The following DOK5 variants were observed in gnomAD, a reference collection of about 807,000 sequenced individuals.
The protein encoded by DOK5 is downstream of tyrosine kinase 5.
Under a neutral mutation model 43.3 loss-of-function variants are expected in DOK5, and 27 were observed. That is an observed-to-expected ratio of 0.62 (90% CI 0.46 to 0.86). The LOEUF is 0.86. Among genes scored for constraint, DOK5 ranks in the 40% least tolerant of loss-of-function variants. The probability of loss-of-function intolerance (pLI) is 0.00; values close to 1 mark genes in which losing one functional copy is unlikely to be tolerated. For missense variants in DOK5, 373 were observed against 392.9 expected (o/e 0.95, Z 0.43); for synonymous variants, 146 against 140.1 (o/e 1.04, Z -0.30).
At position 54,611,157 on chromosome 20, in the gene DOK5, C is replaced by T. The variant is rs138301743; in HGVS notation, c.735+634C>T. On this transcript the variant is annotated intron_variant, in intron 6 of 7. Coordinates refer to ENST00000262593, the MANE Select transcript of DOK5 (RefSeq NM_018431.5). ...CATGCGTGTGCCATCTCTTCACAGT[C>T]ATCGGTATATAAAGATGCCCAAACA... Among the ~76,000 whole-genome samples the T allele has an allele frequency of 3.3e-5, 5 of 152,324 alleles. No individual in the cohort carries two copies. In the East Asian group the frequency reaches 9.6e-4, roughly 29 times the overall value.
intron 1 of DOK5, among the ~76,000 whole-genome samples, chr20:54,476,846 G>C (rs1981448134): frequency 6.6e-6 from 1 of 152,138 alleles, no homozygotes; most frequent in Non-Finnish European, 1.5e-5. Context: ...GGCTTCAAAA[G>C]AGAACCTACC....
chr20:54,597,829 A>T (rs1382194293), intron 5 of DOK5, among the ~76,000 whole-genome samples: 2 of 152,252 alleles, frequency 1.3e-5, no homozygotes, highest in Non-Finnish European at 2.9e-5. Flanking sequence ...TGCAGAGCTA[A>T]GGGAGAGAAA....
chr20:54,607,653 G>A (rs904896854), intron 5 of DOK5, among the ~76,000 whole-genome samples: 7 of 151,972 alleles, frequency 4.6e-5, no homozygotes, highest in African/African-American at 1.7e-4. Context: ...TTGGGAGGCA[G>A]AGGTGGGCAG....
chr20:54,512,823 G>A (rs572109690), intron 1 of DOK5, among the ~76,000 whole-genome samples: 1 of 151,682 alleles, frequency 6.6e-6, no homozygotes, highest in African/African-American at 2.4e-5. Context: ...GGGAGTGGAA[G>A]AAGGGTGCAA....
At chr20:54,516,555 T>C (rs1450765022) in intron 1 of DOK5, among the ~76,000 whole-genome samples, 3 of 152,202 alleles carry the variant, frequency 2.0e-5, no homozygotes, top group African/African-American at 7.2e-5. Context: ...GAACTGTGTG[T>C]TCCCCTTATA....
chr20:54,477,192 TCTTA>T (rs1315215088), intron 1 of DOK5, among the ~76,000 whole-genome samples: 1 of 152,322 alleles, frequency 6.6e-6, no homozygotes, highest in East Asian at 1.9e-4. Context: ...GGCATCTTTC[TCTTA>T]CTTGGTCTTT....
intron 1 of DOK5, among the ~76,000 whole-genome samples, chr20:54,549,085 T>A (rs1395532312): frequency 1.3e-5 from 2 of 152,226 alleles, no homozygotes; most frequent in Non-Finnish European, 2.9e-5. Flanking sequence ...GGAAGCACTT[T>A]TAGAAGTCTT....
chr20:54,638,864 T>A (rs1333818524), intron 6 of DOK5, among the ~76,000 whole-genome samples: 1 of 151,448 alleles, frequency 6.6e-6, no homozygotes, highest in African/African-American at 2.4e-5. Flanking sequence ...GTATTTTTAG[T>A]AGAGACGGAG....
chr20:54,541,604 T>A (rs1255463714), intron 1 of DOK5, among the ~76,000 whole-genome samples: 1 of 151,740 alleles, frequency 6.6e-6, no homozygotes, highest in Non-Finnish European at 1.5e-5. Flanking sequence ...CCCGGCTAAT[T>A]TTTGCATTTT....
intron 2 of DOK5, among the ~76,000 whole-genome samples, chr20:54,580,661 T>G (rs1011141447): frequency 6.6e-6 from 1 of 152,198 alleles, no homozygotes; most frequent in African/African-American, 2.4e-5. Flanking sequence ...ATGTCTTCTG[T>G]GGAGAAATGT....
chr20:54,584,544 T>C (rs1985739477), intron 2 of DOK5, among the ~76,000 whole-genome samples: 1 of 151,514 alleles, frequency 6.6e-6, no homozygotes, highest in Non-Finnish European at 1.5e-5. Flanking sequence ...TACTTTTATC[T>C]TTTTACTTCT....
At chr20:54,627,415 G>T (rs540892144) in intron 6 of DOK5, among the ~76,000 whole-genome samples, 36 of 152,244 alleles carry the variant, frequency 2.4e-4, no homozygotes, top group Non-Finnish European at 4.1e-4. Context: ...GCATTTTATT[G>T]GACATATTAG....
chr20:54,509,306 T>C (rs59800995), intron 1 of DOK5, among the ~76,000 whole-genome samples: 5,888 of 152,298 alleles, frequency 0.039, 224 homozygotes, highest in East Asian at 0.11. Flanking sequence ...TTTTCCCATC[T>C]CAGCCTCCCC....
At chr20:54,593,607 G>A (rs1305402222) in intron 5 of DOK5, among the ~76,000 whole-genome samples, 1 of 152,180 alleles carries the variant, frequency 6.6e-6, no homozygotes, top group Non-Finnish European at 1.5e-5. Context: ...CAGGAGGATT[G>A]CTTGAGCCCA....
chr20:54,645,973 G>C (rs1979401481), intron 7 of DOK5, among the ~76,000 whole-genome samples: 1 of 138,814 alleles, frequency 7.2e-6, no homozygotes, highest in South Asian at 2.3e-4. Flanking sequence ...GAGTGCCTCT[G>C]TGAGCAGCTG....
At chr20:54,540,285 T>C (rs1984107157) in intron 1 of DOK5, among the ~76,000 whole-genome samples, 1 of 152,156 alleles carries the variant, frequency 6.6e-6, no homozygotes, top group South Asian at 2.1e-4. Context: ...TGTCCCTACG[T>C]AATAGAAAGT....
intron 1 of DOK5, among the ~76,000 whole-genome samples, chr20:54,509,680 GA>G (rs1982946682): frequency 6.6e-6 from 1 of 152,230 alleles, no homozygotes; most frequent in South Asian, 2.1e-4. Flanking sequence ...ATTTATTATT[GA>G]GTAGAATTTT....
At chr20:54,630,911 G>T (rs76256414) in intron 6 of DOK5, among the ~76,000 whole-genome samples, 1 of 152,062 alleles carries the variant, frequency 6.6e-6, no homozygotes, top group Non-Finnish European at 1.5e-5. Flanking sequence ...CAATATAGTA[G>T]GTCCCAGGAT....
intron 1 of DOK5, among the ~76,000 whole-genome samples, chr20:54,544,914 G>C (rs1386230980): frequency 6.6e-6 from 1 of 152,210 alleles, no homozygotes; most frequent in Non-Finnish European, 1.5e-5. Context: ...AGCAAATCTT[G>C]TGACTTCCAG....
Sources: gnomAD v4.1 joint callset for allele counts (sites outside exome capture counted in the v4.1 genomes callset) on GRCh38, gnomAD v4.1.1 for gene constraint, MANE v1.5 for transcripts, NCBI Gene and HGNC (gene_info 2026-07-23, HGNC 2026-07-21) for gene names.